DLAT: variants seen among roughly 807,000 people sequenced by gnomAD.
The protein encoded by DLAT is dihydrolipoyllysine-residue acetyltransferase component of pyruvate dehydrogenase complex, mitochondrial.
A neutral mutation model predicts 68.0 loss-of-function variants in DLAT; 43 were observed. That is an observed-to-expected ratio of 0.63 (90% CI 0.50 to 0.81). The LOEUF is 0.81. Among genes scored for constraint, DLAT ranks in the 40% least tolerant of loss-of-function variants. The pLI is 0.00. For missense variants in DLAT, 745 were observed against 815.4 expected (o/e 0.91, Z 1.05); for synonymous variants, 265 against 288.6 (o/e 0.92, Z 0.83).
intron 10 of DLAT, among the ~76,000 whole-genome samples, chr11:112,047,577 C>T (rs1362703021): frequency 2.6e-5 from 4 of 152,118 alleles, no homozygotes; most frequent in Non-Finnish European, 5.9e-5. Flanking sequence ...AGGTTTTCTT[C>T]TAGGGTTTTT....
At chr11:112,035,733 T>G (rs1555180369) in intron 5 of DLAT, among the ~76,000 whole-genome samples, 1 of 358 alleles carries the variant, frequency 2.8e-3, no homozygotes, top group African/African-American at 6.8e-3. Flanking sequence ...GTGATCTGAC[T>G]GCCTTGTGCC....
chr11:112,062,799 C>T lies in DLAT; in HGVS notation c.*264C>T, dbSNP rs945300080. On this transcript the variant is annotated 3_prime_UTR_variant, in exon 14 of 14. Transcript: ENST00000280346. Reference sequence around the variant, plus strand: ...GACATGTATGTGGCCTTGCCTAGCCCTTTGGTGATAAGTACTTCCTCTAGG... The same window carrying T: ...GACATGTATGTGGCCTTGCCTAGCCTTTTGGTGATAAGTACTTCCTCTAGG... 15 of 420,326 alleles carry T rather than the reference C, an allele frequency of 3.6e-5. No homozygotes were observed. The highest frequency in any genetic ancestry group is 2.1e-4 in the Admixed American group (6 of 28,206). 26.0% of individuals were successfully genotyped at this position (420,326 alleles called of 1,614,324 possible). A position where few individuals can be genotyped will look rare whatever the true frequency, so the allele number is the denominator to read the frequency against.
intron 11 of DLAT, among the ~76,000 whole-genome samples, chr11:112,058,904 T>G (rs1469800826): frequency 1.3e-5 from 2 of 152,188 alleles, no homozygotes; most frequent in African/African-American, 4.8e-5. Context: ...GTTTGATAAC[T>G]GAATTTCAGT....
chr11:112,048,674 C>T (rs1863454328), intron 10 of DLAT, among the ~76,000 whole-genome samples: 1 of 152,070 alleles, frequency 6.6e-6, no homozygotes, highest in African/African-American at 2.4e-5. Flanking sequence ...GCTGGGATTA[C>T]AGGTATGAGC....
In DLAT at chr11:112,025,500, C is replaced by T. The variant is rs782081487; in HGVS notation, c.28C>T (p.Gln10Ter). 1.2e-6 allele frequency: 2 copies of T among 1,613,700 alleles called. No individual in the cohort carries two copies. Among genetic ancestry groups the T allele is most frequent in the Non-Finnish European group, 8.5e-7 (1 of 1,179,944 alleles). The stretch of plus-strand genomic sequence containing the variant: ...GTGGCGCGTCTGTGCGCGACGGGCT[C>T]AGAATGTAGCCCCATGGGCGGGACT... MWRVCARRA[Q>*]NVAPWAGLEA... is the part of the protein sequence containing the mutation. Residue 10 changes from glutamine to a stop codon, truncating the protein, a stop_gained, in exon 1 of 14, where the codon CAG (glutamine) becomes TAG (stop). Transcript: ENST00000280346. LOFTEE classifies it high-confidence loss of function.
chr11:112,025,431 G>A lies in DLAT; in HGVS notation c.-42G>A, dbSNP rs782621942. 3.1e-6 allele frequency: 5 copies of A among 1,592,402 alleles called. No individual in the cohort carries two copies. Among genetic ancestry groups the A allele is most frequent in the East Asian group, 2.3e-5 (1 of 44,164 alleles). ...CCGCTGCTCTTGGAGAGGTCACTCC[G>A]GAGACGGCGTTGGTTTTGGGGTGTG... On this transcript the variant is annotated 5_prime_UTR_variant, in exon 1 of 14. Transcript: ENST00000280346.
At chr11:112,034,290 C>T (rs1862571365) in intron 5 of DLAT, among the ~76,000 whole-genome samples, 1 of 151,968 alleles carries the variant, frequency 6.6e-6, no homozygotes, top group African/African-American at 2.4e-5. Flanking sequence ...AAACTGAAAC[C>T]AGGGTTGAGA....
Position 112,039,143 on chromosome 11 carries a change from A to T in DLAT, c.976-101A>T, listed in dbSNP as rs1862925202. ...GAAAAATGAAAGTTATTAATATTTA[A>T]TTAAAATAGTTTTAATTTATTAATA... On this transcript the variant is annotated intron_variant, in intron 6 of 13. Coordinates refer to ENST00000280346, the MANE Select transcript of DLAT (RefSeq NM_001931.5). The T allele has an allele frequency of 1.3e-5, 15 of 1,165,188 alleles. No homozygotes were observed. In the South Asian group the frequency reaches 1.6e-4, roughly 12 times the overall value. 72.2% of individuals were successfully genotyped at this position (1,165,188 alleles called of 1,614,324 possible). A position where few individuals can be genotyped will look rare whatever the true frequency, so the allele number is the denominator to read the frequency against.
At chr11:112,041,597 T>A (rs1863052027) in intron 7 of DLAT, among the ~76,000 whole-genome samples, 1 of 152,150 alleles carries the variant, frequency 6.6e-6, no homozygotes, top group East Asian at 1.9e-4. Flanking sequence ...AAGAGGCCAG[T>A]GTTGGCCAGG....
chr11:112,031,885 G>GTT (rs55866523), intron 4 of DLAT, among the ~76,000 whole-genome samples: 3 of 45,352 alleles, frequency 6.6e-5, no homozygotes, highest in Admixed American at 4.3e-4. Context: ...GGTCTTTCCT[G>GTT]TTTTTTTTTT....
chr11:112,028,528 AAG>A lies in DLAT; in HGVS notation c.396_397del (p.Lys132AsnfsTer6). 3.7e-6 allele frequency: 6 copies of A among 1,614,162 alleles called. No homozygotes were observed. The highest frequency in any genetic ancestry group is 5.1e-6 in the Non-Finnish European group (6 of 1,180,024). ...TTGTGTTAAAAGGTTGAAACTGATAAAGCCACTGTTGGATTTGAGAGCCTGGA... is the reference window on the plus strand; with the variant it reads ...TTGTGTTAAAAGGTTGAAACTGATAACCACTGTTGGATTTGAGAGCCTGGA... On this transcript the variant is annotated frameshift_variant, in exon 3 of 14. Transcript: ENST00000280346. LOFTEE classifies it high-confidence loss of function.
intron 2 of DLAT, among the ~76,000 whole-genome samples, chr11:112,027,266 C>T (rs1343922158): frequency 3.6e-5 from 5 of 137,352 alleles, no homozygotes; most frequent in East Asian, 2.2e-4. Context: ...CGGACGGGGT[C>T]GCGGCCGGGT....
At chr11:112,034,995 G>A (rs587700944) in intron 5 of DLAT, among the ~76,000 whole-genome samples, 209 of 151,580 alleles carry the variant, frequency 1.4e-3, no homozygotes, top group African/African-American at 4.7e-3. Context: ...GGCTGGTCTC[G>A]AGCTCTTTAA....
At chr11:112,027,087 C>T (rs1225398266) in intron 2 of DLAT, among the ~76,000 whole-genome samples, 34 of 151,820 alleles carry the variant, frequency 2.2e-4, no homozygotes, top group African/African-American at 7.5e-4. Context: ...GGCGGAGACG[C>T]TCCTCACTTC....
At chr11:112,027,909 ACCGTG>A (rs1201271152) in intron 2 of DLAT, among the ~76,000 whole-genome samples, 3 of 149,558 alleles carry the variant, frequency 2.0e-5, no homozygotes, top group Admixed American at 6.6e-5. Flanking sequence ...GGAGAGGGAG[ACCGTG>A]GGGAGAGGGA....
intron 10 of DLAT, among the ~76,000 whole-genome samples, chr11:112,049,770 A>G (rs1555181814): frequency 6.6e-6 from 1 of 152,160 alleles, no homozygotes; most frequent in East Asian, 1.9e-4. Context: ...GAAGTCATTT[A>G]TTAGTTCTTA....
rs781789669 is a variant in DLAT at position 112,028,936 on chromosome 11, T to A, written c.651T>A (p.Pro217=). ...AGGCTCCTGGTAGCTCATATCCCCCTCACATGCAGGTGAGGCTCAGCCTCT... is the reference window on the plus strand; with the variant it reads ...AGGCTCCTGGTAGCTCATATCCCCCACACATGCAGGTGAGGCTCAGCCTCT... The part of the protein sequence containing the change: ...SAQAPGSSYP[P]HMQVLLPALS... The change falls in exon 4 of 14, where the codon CCT becomes CCA. Residue 217 remains proline (P), a synonymous_variant. Coordinates refer to ENST00000280346, the MANE Select transcript of DLAT (RefSeq NM_001931.5). 79 of 1,613,982 alleles carry A rather than the reference T, an allele frequency of 4.9e-5. No individual in the cohort carries two copies. Among genetic ancestry groups the A allele is most frequent in the Non-Finnish European group, 5.6e-5 (66 of 1,180,036 alleles).
Position 112,061,187 on chromosome 11 carries a change from A to G in DLAT, c.1814+13A>G. The G allele has an allele frequency of 6.2e-7, 1 of 1,613,996 alleles. No homozygotes were observed. The highest frequency in any genetic ancestry group is 8.5e-7 in the Non-Finnish European group (1 of 1,179,942). ...ATAATGAAAAAGGGTAAGTGCCAAA[A>G]TGGAGGGGAAGTCGTAAGCTAATTT... On this transcript the variant is annotated intron_variant, in intron 13 of 13. Transcript: ENST00000280346.
At chr11:112,054,274 C>T (rs1027467528) in intron 11 of DLAT, among the ~76,000 whole-genome samples, 21 of 151,932 alleles carry the variant, frequency 1.4e-4, no homozygotes, top group African/African-American at 4.8e-4. Context: ...TGGGATTGCA[C>T]GCGCCACTGC....
Sources: allele counts gnomAD v4.1 joint callset (sites outside exome capture counted in the v4.1 genomes callset), GRCh38; gene constraint gnomAD v4.1.1; transcripts MANE v1.5; gene names NCBI Gene and HGNC (gene_info 2026-07-23, HGNC 2026-07-21).